HGSNAT: variants seen among roughly 807,000 people sequenced by gnomAD.
HGSNAT encodes the protein transmembrane protein 76.
In HGSNAT, 59 loss-of-function variants were observed where a neutral mutation model predicts 85.2. The ratio of observed to expected loss-of-function variants is 0.69; its 90% confidence interval spans 0.56 to 0.86. The LOEUF (loss-of-function observed/expected upper bound fraction) is 0.86, where lower values mean the gene tolerates loss of function less well. Ranked by LOEUF, HGSNAT falls within the 40% of genes least tolerant of loss-of-function variation. The pLI is 0.00. For synonymous variants in HGSNAT, 321 were observed against 304.5 expected, an observed-to-expected ratio of 1.05 and a Z score of -0.56; for missense variants, 756 against 777.1, an observed-to-expected ratio of 0.97 and a Z score of 0.32.
Position 43,199,436 on chromosome 8 carries a change from A to C in HGSNAT, c.1775A>C (p.Tyr592Ser), listed in dbSNP as rs1051645354. The C allele has an allele frequency of 3.7e-6, 6 of 1,610,200 alleles. No individual in the cohort carries two copies. Among genetic ancestry groups the C allele is most frequent in the Non-Finnish European group, 3.4e-6 (4 of 1,178,064 alleles). The change falls in exon 18 of 18, where the codon TAC (tyrosine) becomes TCC (serine). Residue 592 changes from tyrosine (Y) to serine (S), a missense_variant. Tyr to Ser is a moderately radical substitution (Grantham distance 144). Transcript: ENST00000379644. ...VYVGHEVFEN[Y>S]FPFQWKLKDN... ...GTCGGCCACGAGGTGTTTGAGAACT[A>C]CTTCCCCTTTCAGTGGAAGCTGAAG...
intron 2 of HGSNAT, among the ~76,000 whole-genome samples, chr8:43,150,215 A>T (rs1188116339): frequency 6.6e-6 from 1 of 152,048 alleles, no homozygotes; most frequent in African/African-American, 2.4e-5. Flanking sequence ...AGCCTCCCAG[A>T]GTGCTGGGAT....
At chr8:43,156,296 T>G (rs1484361283) in intron 2 of HGSNAT, among the ~76,000 whole-genome samples, 2 of 152,204 alleles carry the variant, frequency 1.3e-5, no homozygotes, top group African/African-American at 4.8e-5. Flanking sequence ...AAGAAAATTT[T>G]AAATTTCTTT....
intron 2 of HGSNAT, among the ~76,000 whole-genome samples, chr8:43,154,647 A>G (rs1433774580): frequency 2.0e-5 from 3 of 152,170 alleles, no homozygotes; most frequent in Non-Finnish European, 2.9e-5. Flanking sequence ...TAGTGCCGCA[A>G]TAAACATATG....
intron 2 of HGSNAT, 47 bp from the exon 3 acceptor site, chr8:43,158,528 A>G (rs1379982701): frequency 3.7e-6 from 6 of 1,608,086 alleles, no homozygotes; most frequent in South Asian, 1.1e-5. Context: ...CAATCAACAG[A>G]TGTTGAAAAA....
chr8:43,193,798 C>T lies in HGSNAT; in HGVS notation c.1419C>T (p.Ile473=). 1.2e-6 allele frequency: 2 copies of T among 1,613,882 alleles called. No homozygotes were observed. Among genetic ancestry groups the T allele is most frequent in the African/African-American group, 2.7e-5 (2 of 75,016 alleles). ...AGGTGGCCTATGACCCCGAGGGCAT[C>T]CTGGGCACCATCAACTCCATCGTGA... ...HTEVAYDPEG[I]LGTINSIVMA... The change falls in exon 14 of 18, where the codon ATC becomes ATT. Residue 473 remains isoleucine (I), a synonymous_variant. Transcript: ENST00000379644.
chr8:43,144,424 CTA>C (rs1802651618), intron 1 of HGSNAT, among the ~76,000 whole-genome samples: 1 of 151,976 alleles, frequency 6.6e-6, no homozygotes, highest in Admixed American at 6.6e-5. Context: ...ACTGTAATGT[CTA>C]TGTGTTGAGC....
In HGSNAT at chr8:43,173,830, C is replaced by T. The variant is rs368516383; in HGVS notation, c.851+87C>T. The stretch of plus-strand genomic sequence containing the variant: ...TGATGCTGGAGCCTCTCTTCTGAGA[C>T]GGGCATGTGTTATGTGGTTAGGAAG... On this transcript the variant is annotated intron_variant, in intron 9 of 17. Transcript: ENST00000379644. 2.4e-5 allele frequency: 34 copies of T among 1,391,400 alleles called. No homozygotes were observed. In the Admixed American group the frequency reaches 2.8e-4, roughly 11 times the overall value. The allele number at this position is 1,391,400 out of a possible 1,614,324, so 86.2% of individuals were successfully genotyped here. A position where few individuals can be genotyped will look rare whatever the true frequency, so the allele number is the denominator to read the frequency against.
intron 1 of HGSNAT, among the ~76,000 whole-genome samples, 184 bp downstream of exon 1, chr8:43,140,798 G>A (rs981374328): frequency 6.6e-6 from 1 of 152,090 alleles, no homozygotes; most frequent in Non-Finnish European, 1.5e-5. Context: ...ACTTCGGGGT[G>A]CTGCGGCCGG....
intron 14 of HGSNAT, chr8:43,194,274 C>T (rs913047488): frequency 7.4e-6 from 4 of 537,672 alleles, no homozygotes; most frequent in African/African-American, 2.1e-5. Context: ...TGGCACACAC[C>T]TGTAGTCCCA....
Position 43,140,524 on chromosome 8 carries a change from G to C in HGSNAT, c.28G>C (p.Ala10Pro), listed in dbSNP as rs1802478718. 5 of 1,100,782 alleles carry C rather than the reference G, an allele frequency of 4.5e-6. No homozygotes were observed. The Admixed American group carries it at 1.6e-4, about 34-fold the overall frequency. The allele number at this position is 1,100,782 out of a possible 1,614,324, so 68.2% of individuals were successfully genotyped here. A position where few individuals can be genotyped will look rare whatever the true frequency, so the allele number is the denominator to read the frequency against. Residue 10 changes from alanine to proline, a missense_variant, in exon 1 of 18, where the codon GCG becomes CCG. Coordinates refer to ENST00000379644, the MANE Select transcript of HGSNAT (RefSeq NM_152419.3). ...GAGCGGGGCGGGCAGGGCGCTGGCC[G>C]CGCTGCTGCTGGCCGCGTCCGTGCT... MSGAGRALA[A>P]LLLAASVLSA...
At chr8:43,197,803 C>G (rs550884520) in intron 16 of HGSNAT, 37 bp from the exon 17 acceptor site, 1 of 1,598,902 alleles carries the variant, frequency 6.3e-7, no homozygotes, top group African/African-American at 1.3e-5. Context: ...GGATTTGTTC[C>G]GTACGAGCAC....
intron 4 of HGSNAT, among the ~76,000 whole-genome samples, chr8:43,159,390 C>T (rs757932111): frequency 1.5e-4 from 23 of 152,042 alleles, no homozygotes; most frequent in Non-Finnish European, 2.9e-4. Context: ...AAGTTTGAGA[C>T]GAGCCTGGGT....
chr8:43,172,444 C>A, intron 8 of HGSNAT, 58 bp downstream of exon 8: 4 of 1,223,180 alleles, frequency 3.3e-6, no homozygotes, highest in Non-Finnish European at 4.8e-6. Context: ...AGCTTCAGGG[C>A]AGGAGAATCA....
intron 10 of HGSNAT, 54 bp from the exon 11 acceptor site, chr8:43,182,091 G>A: frequency 1.5e-6 from 2 of 1,308,040 alleles, no homozygotes; most frequent in Admixed American, 1.7e-5. Context: ...ATGTTGTCCT[G>A]GGATGAGAGG....
At chr8:43,149,932 C>T (rs944757514) in intron 2 of HGSNAT, among the ~76,000 whole-genome samples, 1 of 151,870 alleles carries the variant, frequency 6.6e-6, no homozygotes, top group Non-Finnish European at 1.5e-5. Context: ...ATCTCACTTC[C>T]TTAAAGTAGA....
At chr8:43,145,965 T>C (rs1487628004) in intron 1 of HGSNAT, among the ~76,000 whole-genome samples, 2 of 152,164 alleles carry the variant, frequency 1.3e-5, no homozygotes, top group African/African-American at 4.8e-5. Context: ...TTATATAATA[T>C]CATATAAATG....
Position 43,199,447 on chromosome 8 carries a change from C to T in HGSNAT, c.1786C>T (p.Gln596Ter), listed in dbSNP as rs750824770. 1 of 1,610,808 alleles carries T rather than the reference C, an allele frequency of 6.2e-7. No individual in the cohort carries two copies. The highest frequency in any genetic ancestry group is 8.5e-7 in the Non-Finnish European group (1 of 1,178,316). ...HEVFENYFPF[Q>*]WKLKDNQSHK... ...GGTGTTTGAGAACTACTTCCCCTTT[C>T]AGTGGAAGCTGAAGGACAACCAGTC... The change falls in exon 18 of 18, where the codon CAG becomes TAG. Residue 596 changes from glutamine (Q) to a stop codon, truncating the protein, a stop_gained. Coordinates refer to ENST00000379644, the MANE Select transcript of HGSNAT (RefSeq NM_152419.3). LOFTEE classifies it high-confidence loss of function.
At chr8:43,148,746 T>C (rs1802794594) in intron 2 of HGSNAT, among the ~76,000 whole-genome samples, 1 of 143,712 alleles carries the variant, frequency 7.0e-6, no homozygotes, top group Non-Finnish European at 1.5e-5. Context: ...TGAGCCGAGA[T>C]CGCACCATTG....
In HGSNAT at chr8:43,169,175, T is replaced by C. The variant is rs1803532952; in HGVS notation, c.566T>C (p.Leu189Ser). The C allele has an allele frequency of 2.6e-6, 4 of 1,546,756 alleles. No homozygotes were observed. In the African/African-American group the frequency reaches 4.1e-5, roughly 16 times the overall value. The part of the protein sequence containing the change: ...VISFLRLLLS[L>S]DDFNNWISKA... ...TTGAGCCCTTTATTTATTTTCAGTT[T>C]GGATGACTTTAACAATTGGATTTCT... Residue 189 changes from leucine (L) to serine (S), a missense_variant and splice_region_variant, in exon 6 of 18, where the codon TTG (leucine) becomes TCG (serine). Leu to Ser is a moderately radical substitution (Grantham distance 145). Coordinates refer to ENST00000379644, the MANE Select transcript of HGSNAT (RefSeq NM_152419.3).
Sources: allele counts gnomAD v4.1 joint callset (sites outside exome capture counted in the v4.1 genomes callset), GRCh38; gene constraint gnomAD v4.1.1; transcripts MANE v1.5; gene names NCBI Gene and HGNC (gene_info 2026-07-23, HGNC 2026-07-21).